The following PAQR3 variants were observed in gnomAD, a reference collection of about 807,000 sequenced individuals.
PAQR3 encodes the protein Raf kinase trapping to Golgi.
Under a neutral mutation model 41.7 loss-of-function variants are expected in PAQR3, and 39 were observed. The ratio of observed to expected loss-of-function variants is 0.93; its 90% CI spans 0.72 to 1.22. The LOEUF is 1.22. PAQR3 is among the 50% of genes most tolerant of loss of function. The pLI, the probability that PAQR3 is intolerant of heterozygous loss-of-function variation, is 0.00. For synonymous variants in PAQR3, 140 were observed against 140.6 expected (o/e 1.00, Z 0.03); for missense variants, 366 against 385.6 (o/e 0.95, Z 0.42).
chr4:78,934,567 C>G (rs1343591522), intron 2 of PAQR3, among the ~76,000 whole-genome samples: 1 of 152,082 alleles, frequency 6.6e-6, no homozygotes, highest in African/African-American at 2.4e-5. Flanking sequence ...TTTACAGATT[C>G]TTGAAAAATG....
At position 78,920,674 on chromosome 4, in the gene PAQR3, T is replaced by C. The variant is rs1330001154; in HGVS notation, c.801A>G (p.Leu267=). ...TTTGGTGGCTTGATCCGAGGTAGTTTAGTTGTCCTGGAAAGAAGGTAGAAA... is the reference window on the plus strand; with the variant it reads ...TTTGGTGGCTTGATCCGAGGTAGTTCAGTTGTCCTGGAAAGAAGGTAGAAA... The part of the protein sequence containing the change: ...KVPERYFPGQ[L]NYLGSSHQIW... Residue 267 remains leucine, a synonymous_variant, in exon 6 of 6, where the codon CTA becomes CTG. Transcript: ENST00000512733. 1.9e-6 allele frequency: 3 copies of C among 1,604,178 alleles called. No homozygotes were observed. Among genetic ancestry groups the C allele is most frequent in the Middle Eastern group, 1.7e-4 (1 of 6,004 alleles).
At chr4:78,925,709 C>T (rs899185219) in intron 4 of PAQR3, among the ~76,000 whole-genome samples, 1 of 152,128 alleles carries the variant, frequency 6.6e-6, no homozygotes, top group Non-Finnish European at 1.5e-5. Flanking sequence ...GGTACCATTG[C>T]AATGAGTATA....
At chr4:78,935,063 C>A (rs1737284025) in intron 2 of PAQR3, 58 bp downstream of exon 2, 10 of 1,555,072 alleles carry the variant, frequency 6.4e-6, no homozygotes, top group Non-Finnish European at 8.8e-6. Context: ...GTCACCTGAC[C>A]AAGACTGCCT....
Position 78,924,060 on chromosome 4 carries a change from C to T in PAQR3, c.703-113G>A, listed in dbSNP as rs879048336. The T allele has an allele frequency of 3.8e-6, 3 of 796,042 alleles. No individual in the cohort carries two copies. The South Asian group carries it at 4.9e-5, about 13-fold the overall frequency. The allele number at this position is 796,042 out of a possible 1,614,324, so 49.3% of individuals were successfully genotyped here. ...TGTTAAATCTGAACTGTTTTGCAGACTGTCTCCAATAATAGAAACCTTGTC... is the reference window on the plus strand; with the variant it reads ...TGTTAAATCTGAACTGTTTTGCAGATTGTCTCCAATAATAGAAACCTTGTC... On this transcript the variant is annotated intron_variant, in intron 4 of 5. Transcript: ENST00000512733.
At chr4:78,922,012 C>T in intron 5 of PAQR3, 1 of 1,007,434 alleles carries the variant, frequency 9.9e-7, no homozygotes, top group Non-Finnish European at 1.2e-6. Context: ...TATTTTAAGG[C>T]CTAAAACCCA....
In PAQR3 at chr4:78,918,487, AGAG is replaced by A. The variant is rs542616074; in HGVS notation, c.*2049_*2051del. On this transcript the variant is annotated 3_prime_UTR_variant, in exon 6 of 6. Coordinates refer to ENST00000512733, the MANE Select transcript of PAQR3 (RefSeq NM_001040202.2). The stretch of plus-strand genomic sequence containing the variant: ...AATATATCATAGCAGTGAAAAAATG[AGAG>A]GATAACTTTCTTACAATATTTAACA... 1,225 of 960,430 alleles carry A rather than the reference AGAG, an allele frequency of 1.3e-3. 12 individuals carry two copies. In the South Asian group the frequency reaches 0.014, roughly 11 times the overall value. 59.5% of individuals were successfully genotyped at this position (960,430 alleles called of 1,614,324 possible). A position where few individuals can be genotyped will look rare whatever the true frequency, so the allele number is the denominator to read the frequency against.
chr4:78,887,944 T>A (rs568091664), intron 12 of PAQR3: 1 of 152,436 alleles, frequency 6.6e-6, no homozygotes, highest in Admixed American at 6.5e-5. Context: ...GTTCGATATA[T>A]TCATGGTAAC....
chr4:78,893,931 C>T (rs1733570752), intron 11 of PAQR3, among the ~76,000 whole-genome samples: 1 of 152,176 alleles, frequency 6.6e-6, no homozygotes, highest in African/African-American at 2.4e-5. Context: ...TTTTAGCAGG[C>T]ATGAAAACAA....
chr4:78,934,518 CTG>C (rs1465558184), intron 2 of PAQR3, among the ~76,000 whole-genome samples: 2 of 152,172 alleles, frequency 1.3e-5, no homozygotes, highest in Non-Finnish European at 2.9e-5. Context: ...TCAAAATTAT[CTG>C]TTTGAAATCT....
rs1278065666 is a variant in PAQR3, at chr4:78,918,542, A to C, written c.*1997T>G. ...TTTCATACAGAGTTGAAATGTTTACATGGAATAATTTTCCCTACAGAAAGA... is the reference window on the plus strand; with the variant it reads ...TTTCATACAGAGTTGAAATGTTTACCTGGAATAATTTTCCCTACAGAAAGA... On this transcript the variant is annotated 3_prime_UTR_variant, in exon 6 of 6. Coordinates refer to ENST00000512733, the MANE Select transcript of PAQR3 (RefSeq NM_001040202.2). The C allele has an allele frequency of 5.1e-6, 5 of 976,248 alleles. No individual in the cohort carries two copies. The African/African-American group carries it at 8.8e-5, about 17-fold the overall frequency. 60.5% of individuals were successfully genotyped at this position (976,248 alleles called of 1,614,324 possible).
exon 13 of PAQR3, chr4:78,887,256 T>C: frequency 6.2e-7 from 1 of 1,610,310 alleles, no homozygotes; most frequent in Non-Finnish European, 8.5e-7. Context: ...AAGATCCTTT[T>C]GGTTCTGTTC....
At chr4:78,891,394 T>C (rs1335137526) in intron 11 of PAQR3, among the ~76,000 whole-genome samples, 1 of 152,210 alleles carries the variant, frequency 6.6e-6, no homozygotes, top group Non-Finnish European at 1.5e-5. Context: ...GCTGGGGACC[T>C]AGTGGGCCTT....
intron 4 of PAQR3, among the ~76,000 whole-genome samples, chr4:78,926,016 CT>C (rs979391212): frequency 1.0e-3 from 157 of 152,240 alleles, no homozygotes; most frequent in African/African-American, 3.7e-3. Flanking sequence ...ATTTCCAAAT[CT>C]TTATTGCCAG....
rs1171686303 is a variant in PAQR3 at position 78,934,564 on chromosome 4, A to T, written c.348+557T>A. Reference sequence around the variant, plus strand: ...TTAACTTTTAAAGACATTTTTACAGATTCTTGAAAAATGCCAGTGCTATGG... The same window carrying T: ...TTAACTTTTAAAGACATTTTTACAGTTTCTTGAAAAATGCCAGTGCTATGG... On this transcript the variant is annotated intron_variant, in intron 2 of 5. Coordinates refer to ENST00000512733, the MANE Select transcript of PAQR3 (RefSeq NM_001040202.2). Among the ~76,000 whole-genome samples the T allele has an allele frequency of 2.0e-5, 3 of 152,228 alleles. No homozygotes were observed. The East Asian group carries it at 5.8e-4, about 29-fold the overall frequency.
In PAQR3 at chr4:78,912,312, A is replaced by G; in HGVS notation, c.*8227T>C. The G allele has an allele frequency of 2.9e-6, 1 of 340,414 alleles. No homozygotes were observed. The highest frequency in any genetic ancestry group is 7.8e-5 in the South Asian group (1 of 12,886). 21.1% of individuals were successfully genotyped at this position (340,414 alleles called of 1,614,324 possible). A position where few individuals can be genotyped will look rare whatever the true frequency, so the allele number is the denominator to read the frequency against. On this transcript the variant is annotated 3_prime_UTR_variant, in exon 6 of 6. Transcript: ENST00000512733. ...AAATGCAAGTGTGGTACTTCCAGTG[A>G]AAGCACATGGCACCTTTCTAGGTGT...
intron 11 of PAQR3, among the ~76,000 whole-genome samples, chr4:78,902,715 C>T (rs1001968311): frequency 6.6e-6 from 1 of 152,094 alleles, no homozygotes; most frequent in African/African-American, 2.4e-5. Context: ...AATGTACCAC[C>T]TGTTTTATAA....
At position 78,919,053 on chromosome 4, in the gene PAQR3, C is replaced by T. The variant is rs1000146354; in HGVS notation, c.*1486G>A. 2 of 984,858 alleles carry T rather than the reference C, an allele frequency of 2.0e-6. No individual in the cohort carries two copies. The highest frequency in any genetic ancestry group is 1.7e-5 in the African/African-American group (1 of 57,160). 61.0% of individuals were successfully genotyped at this position (984,858 alleles called of 1,614,324 possible). A position where few individuals can be genotyped will look rare whatever the true frequency, so the allele number is the denominator to read the frequency against. On this transcript the variant is annotated 3_prime_UTR_variant, in exon 6 of 6. Coordinates refer to ENST00000512733, the MANE Select transcript of PAQR3 (RefSeq NM_001040202.2). ...AAATTCTCTTTGCTGAGATACTATA[C>T]TAGCATGGGGAATTTATATTCCAAA...
At position 78,918,722 on chromosome 4, in the gene PAQR3, T is replaced by C; in HGVS notation, c.*1817A>G. ...ATGTTTTTTTATTTTGAGAAAGTTTTATAATAAAAATGGCTCCACACCTAA... is the reference window on the plus strand; with the variant it reads ...ATGTTTTTTTATTTTGAGAAAGTTTCATAATAAAAATGGCTCCACACCTAA... On this transcript the variant is annotated 3_prime_UTR_variant, in exon 6 of 6. Transcript: ENST00000512733. 1 of 972,478 alleles carries C rather than the reference T, an allele frequency of 1.0e-6. No homozygotes were observed. The highest frequency in any genetic ancestry group is 1.2e-6 in the Non-Finnish European group (1 of 818,288). 60.2% of individuals were successfully genotyped at this position (972,478 alleles called of 1,614,324 possible). A position where few individuals can be genotyped will look rare whatever the true frequency, so the allele number is the denominator to read the frequency against.
At position 78,920,332 on chromosome 4, in the gene PAQR3, C is replaced by T. The variant is rs1735528383; in HGVS notation, c.*207G>A. The T allele has an allele frequency of 1.7e-6, 2 of 1,206,668 alleles. No homozygotes were observed. Among genetic ancestry groups the T allele is most frequent in the South Asian group, 3.9e-5 (1 of 25,352 alleles). The allele number at this position is 1,206,668 out of a possible 1,614,324, so 74.7% of individuals were successfully genotyped here. On this transcript the variant is annotated 3_prime_UTR_variant, in exon 6 of 6. Coordinates refer to ENST00000512733, the MANE Select transcript of PAQR3 (RefSeq NM_001040202.2). Reference sequence around the variant, plus strand: ...TGCCAACTAATTTTCACTTTCTGTACAAGCAGCAAATTAGTAGTTTTAAGG... The same window carrying T: ...TGCCAACTAATTTTCACTTTCTGTATAAGCAGCAAATTAGTAGTTTTAAGG...
Sources: gnomAD v4.1 joint callset for allele counts (sites outside exome capture counted in the v4.1 genomes callset) on GRCh38, gnomAD v4.1.1 for gene constraint, MANE v1.5 for transcripts, NCBI Gene and HGNC (gene_info 2026-07-23, HGNC 2026-07-21) for gene names.